Variants in TTC23 observed in about 807,000 individuals in gnomAD.
TTC23 encodes the protein tetratricopeptide repeat protein 23.
Under a neutral mutation model 55.1 loss-of-function variants are expected in TTC23, and 58 were observed. That is an observed-to-expected ratio of 1.05 (90% CI 0.85 to 1.31). The LOEUF (loss-of-function observed/expected upper bound fraction) is 1.31. Ranked by LOEUF, TTC23 falls within the 50% of genes most tolerant of loss-of-function variation. TTC23 has a pLI of 0.00. For synonymous variants in TTC23, 203 were observed against 199.9 expected (o/e 1.02, Z -0.13); for missense variants, 516 against 534.4 (o/e 0.97, Z 0.34).
At chr15:99,236,929 T>G (rs2079369049) in intron 3 of TTC23, among the ~76,000 whole-genome samples, 2 of 152,188 alleles carry the variant, frequency 1.3e-5, no homozygotes, top group Admixed American at 1.3e-4. Context: ...ATCTGACAGT[T>G]TCTTACTAAG....
At chr15:99,185,010 C>G (rs565063625) in intron 9 of TTC23, among the ~76,000 whole-genome samples, 1 of 152,280 alleles carries the variant, frequency 6.6e-6, no homozygotes, top group Admixed American at 6.5e-5. Context: ...CCTGCTGGCT[C>G]TGTGAACAGG....
At chr15:99,246,610 G>A (rs1035163304) in intron 1 of TTC23, among the ~76,000 whole-genome samples, 13 of 147,414 alleles carry the variant, frequency 8.8e-5, no homozygotes, top group East Asian at 2.0e-4. Flanking sequence ...GTGACACTCC[G>A]TGTCAAAAAA....
chr15:99,218,408 G>C (rs1239391225), intron 8 of TTC23, among the ~76,000 whole-genome samples, 180 bp downstream of exon 8: 1 of 152,192 alleles, frequency 6.6e-6, no homozygotes, highest in Non-Finnish European at 1.5e-5. Context: ...AAGTGTCACT[G>C]ATGGATGCCC....
At chr15:99,247,462 G>C (rs1223826626) in intron 1 of TTC23, among the ~76,000 whole-genome samples, 1 of 152,102 alleles carries the variant, frequency 6.6e-6, no homozygotes, top group Non-Finnish European at 1.5e-5. Flanking sequence ...TTAAATACTA[G>C]AAGAAATCCA....
At chr15:99,146,135 C>T (rs531995082) in intron 12 of TTC23, among the ~76,000 whole-genome samples, 5 of 152,356 alleles carry the variant, frequency 3.3e-5, no homozygotes, top group Admixed American at 6.5e-5. Context: ...TTCTCCACAA[C>T]GACTGCAATA....
chr15:99,212,163 C>G (rs2077086370), intron 8 of TTC23, among the ~76,000 whole-genome samples: 1 of 152,116 alleles, frequency 6.6e-6, no homozygotes, highest in South Asian at 2.1e-4. Context: ...AAGGACATGT[C>G]AAGCAGTCAG....
At chr15:99,242,167 T>C (rs1344836016) in intron 2 of TTC23, among the ~76,000 whole-genome samples, 3 of 150,566 alleles carry the variant, frequency 2.0e-5, no homozygotes, top group Non-Finnish European at 3.0e-5. Context: ...AAAGAAGCCA[T>C]TATGACTAGT....
intron 2 of TTC23, among the ~76,000 whole-genome samples, chr15:99,242,492 TG>T (rs2079898274): frequency 6.6e-6 from 1 of 152,212 alleles, no homozygotes; most frequent in South Asian, 2.1e-4. Flanking sequence ...ACTTGTTCTA[TG>T]AGGTCAGTAT....
At chr15:99,143,171 A>G (rs903377227) in intron 12 of TTC23, among the ~76,000 whole-genome samples, 1 of 152,138 alleles carries the variant, frequency 6.6e-6, no homozygotes, top group Non-Finnish European at 1.5e-5. Flanking sequence ...TTAAATGACT[A>G]CTCTTCCAAA....
At chr15:99,249,905 T>C (rs1444653175), upstream of TTC23, 1 of 152,178 alleles carries the variant, frequency 6.6e-6, no homozygotes, top group Non-Finnish European at 1.5e-5. Context: ...AACTTTTGTG[T>C]CAATGTGGGG....
intron 9 of TTC23, among the ~76,000 whole-genome samples, chr15:99,195,436 C>T (rs1467974756): frequency 3.3e-5 from 5 of 152,144 alleles, no homozygotes; most frequent in Admixed American, 2.6e-4. Context: ...CAAGTACTGG[C>T]TTGGATACTT....
At position 99,219,723 on chromosome 15, in the gene TTC23, C is replaced by G. The variant is rs920445805; in HGVS notation, c.305-675G>C. 4.6e-5 allele frequency among the ~76,000 whole-genome samples: 7 copies of G among 152,074 alleles called. No homozygotes were observed. The South Asian group carries it at 1.5e-3, about 32-fold the overall frequency. ...ATCTGTGGGAAGGGAGGACTGAGAT[C>G]GCTAGCACGGCTTCAGGGCTTTGCA... On this transcript the variant is annotated intron_variant, in intron 6 of 13. Transcript: ENST00000394132.
chr15:99,239,823 A>C (rs1286240754), intron 3 of TTC23, among the ~76,000 whole-genome samples: 1 of 152,210 alleles, frequency 6.6e-6, no homozygotes, highest in Non-Finnish European at 1.5e-5. Flanking sequence ...TAATATATAC[A>C]TAACACTTTA....
At chr15:99,163,019 G>A (rs2071582944) in intron 10 of TTC23, among the ~76,000 whole-genome samples, 1 of 152,104 alleles carries the variant, frequency 6.6e-6, no homozygotes, top group Non-Finnish European at 1.5e-5. Context: ...GGAGGTTGAG[G>A]CTTCAGTGAG....
At chr15:99,212,997 AAAAAAAAAAG>A (rs1290563386) in intron 8 of TTC23, among the ~76,000 whole-genome samples, 2 of 132,278 alleles carry the variant, frequency 1.5e-5, no homozygotes, top group Non-Finnish European at 3.3e-5. Context: ...AAAAAAAAAA[AAAAAAAAAAG>A]GGGGGGACAT....
intron 9 of TTC23, among the ~76,000 whole-genome samples, chr15:99,184,690 G>A (rs1431789607): frequency 1.3e-5 from 2 of 152,146 alleles, no homozygotes; most frequent in Non-Finnish European, 2.9e-5. Flanking sequence ...TCTCAGATGA[G>A]ACTTTGGACT....
intron 12 of TTC23, among the ~76,000 whole-genome samples, chr15:99,145,528 AAC>A (rs2068742733): frequency 1.3e-5 from 2 of 151,342 alleles, no homozygotes; most frequent in Admixed American, 1.3e-4. Context: ...GCAGGTGAAA[AAC>A]AAACAGGGCA....
Position 99,200,091 on chromosome 15 carries a change from T to C in TTC23, c.587A>G (p.Tyr196Cys), listed in dbSNP as rs761757385. 6.3e-7 allele frequency: 1 copy of C among 1,587,328 alleles called. No individual in the cohort carries two copies. The highest frequency in any genetic ancestry group is 2.3e-5 in the East Asian group (1 of 44,342). ...TTCTTTTGACTTCTTCTGACCTTGA[T>C]ACACCCTAAAAAAATCAAAGGAATT... ...ARIRLSFAQV[Y>C]QGQKKSKEAL... The change falls in exon 9 of 14, where the codon TAT becomes TGT. Residue 196 changes from tyrosine (Y) to cysteine (C), a missense_variant. Transcript: ENST00000394132.
intron 12 of TTC23, among the ~76,000 whole-genome samples, chr15:99,147,313 C>T (rs2069039319): frequency 6.6e-6 from 1 of 151,034 alleles, no homozygotes; most frequent in East Asian, 2.0e-4. Flanking sequence ...GCAAGCTCCG[C>T]CTCCCAGGTT....
Sources: gnomAD v4.1 joint callset for allele counts (sites outside exome capture counted in the v4.1 genomes callset) on GRCh38, gnomAD v4.1.1 for gene constraint, MANE v1.5 for transcripts, NCBI Gene and HGNC (gene_info 2026-07-23, HGNC 2026-07-21) for gene names.